CD164: variants seen among roughly 807,000 people sequenced by gnomAD.
The protein encoded by CD164 is sialomucin core protein 24.
A neutral mutation model predicts 24.6 loss-of-function variants in CD164; 11 were observed. The ratio of observed to expected loss-of-function variants is 0.45; its 90% CI spans 0.28 to 0.74. CD164 has a LOEUF of 0.74. CD164 is among the 30% of genes least tolerant of loss of function. The pLI, the probability that CD164 is intolerant of heterozygous loss-of-function variation, is 0.13. For missense variants in CD164, 295 were observed against 243.7 expected (o/e 1.21, Z -1.40); for synonymous variants, 126 against 100.3 (o/e 1.26, Z -1.53).
chr6:109,378,746 A>G (rs1771564398), intron 2 of CD164, among the ~76,000 whole-genome samples: 1 of 152,182 alleles, frequency 6.6e-6, no homozygotes, highest in Non-Finnish European at 1.5e-5. Context: ...CCTAAAAAAA[A>G]GAGACACTTC....
At chr6:109,378,224 A>G (rs1269169618) in intron 2 of CD164, among the ~76,000 whole-genome samples, 2 of 152,188 alleles carry the variant, frequency 1.3e-5, no homozygotes, top group African/African-American at 2.4e-5. Context: ...TATACTGAAA[A>G]AATAAATCTG....
chr6:109,369,952 A>G (rs1003245297), intron 5 of CD164, among the ~76,000 whole-genome samples: 2 of 152,230 alleles, frequency 1.3e-5, no homozygotes, highest in Non-Finnish European at 2.9e-5. Context: ...TAATTTTCAC[A>G]TTACTGAGCA....
At chr6:109,378,195 C>A (rs1244322945) in intron 2 of CD164, among the ~76,000 whole-genome samples, 2 of 152,156 alleles carry the variant, frequency 1.3e-5, no homozygotes, top group Non-Finnish European at 2.9e-5. Context: ...AACTTTTATC[C>A]ATTAAAAATC....
At chr6:109,375,929 G>A (rs996903276) in intron 4 of CD164, 145 bp downstream of exon 4, 26 of 625,354 alleles carry the variant, frequency 4.2e-5, no homozygotes, top group Admixed American at 3.6e-4. Context: ...AGAGATTAAC[G>A]TTAATTGCTG....
In CD164 at chr6:109,382,413, A is replaced by C. The variant is rs897182237; in HGVS notation, c.-35T>G. ...AGCGCTGGCGTTCGGGAGAAAGCTA[A>C]GGCTCGCAACGCTCAGTCAACCCCT... On this transcript the variant is annotated 5_prime_UTR_variant, in exon 1 of 6. Coordinates refer to ENST00000310786, the MANE Select transcript of CD164 (RefSeq NM_006016.6). 2 of 1,478,508 alleles carry C rather than the reference A, an allele frequency of 1.4e-6. No individual in the cohort carries two copies. The highest frequency in any genetic ancestry group is 1.3e-5 in the South Asian group (1 of 77,826). The allele number at this position is 1,478,508 out of a possible 1,614,324, so 91.6% of individuals were successfully genotyped here.
intron 4 of CD164, among the ~76,000 whole-genome samples, chr6:109,373,300 C>T (rs1430641345): frequency 6.6e-6 from 1 of 152,102 alleles, no homozygotes; most frequent in Non-Finnish European, 1.5e-5. Context: ...TGAAGGAGGG[C>T]CATTATAATT....
At chr6:109,378,769 G>A (rs1771566560) in intron 2 of CD164, among the ~76,000 whole-genome samples, 2 of 151,756 alleles carry the variant, frequency 1.3e-5, no homozygotes, top group Non-Finnish European at 2.9e-5. Flanking sequence ...TAACAAAAAA[G>A]TTAATTTGGC....
chr6:109,376,961 C>T (rs1415600296), intron 3 of CD164, among the ~76,000 whole-genome samples: 2 of 152,020 alleles, frequency 1.3e-5, no homozygotes, highest in Middle Eastern at 3.2e-3. Context: ...CATAGTGAGA[C>T]ACCATCTCTA....
intron 1 of CD164, chr6:109,380,445 C>G (rs1771673876): frequency 6.6e-6 from 1 of 152,168 alleles, no homozygotes; most frequent in South Asian, 2.1e-4. Context: ...CTAGATGCCT[C>G]CAAACATTCT....
At chr6:109,375,002 C>T (rs1582478658) in intron 4 of CD164, among the ~76,000 whole-genome samples, 1 of 152,262 alleles carries the variant, frequency 6.6e-6, no homozygotes, top group Non-Finnish European at 1.5e-5. Flanking sequence ...GGAATAGACG[C>T]ATTTAATATT....
chr6:109,377,123 A>T (rs1771453163), intron 3 of CD164, among the ~76,000 whole-genome samples: 1 of 152,196 alleles, frequency 6.6e-6, no homozygotes, highest in African/African-American at 2.4e-5. Context: ...GGCAACAAAG[A>T]GACTGTCTCA....
At chr6:109,381,765 C>G (rs1771764472) in intron 1 of CD164, 1 of 570,180 alleles carries the variant, frequency 1.8e-6, no homozygotes, top group Non-Finnish European at 3.1e-6. Flanking sequence ...CGGAGAGAGG[C>G]GCCGGGAGGG....
At chr6:109,381,443 A>T (rs3799840) in intron 1 of CD164, 188,201 of 692,642 alleles carry the variant, frequency 0.27, 26,586 homozygotes, top group Middle Eastern at 0.32. Flanking sequence ...ATAAACATAC[A>T]ATGTCAGGAG....
At position 109,382,363 on chromosome 6, in the gene CD164, G is replaced by T. The variant is rs772783742; in HGVS notation, c.16C>A (p.Arg6Ser). The change falls in exon 1 of 6, where the codon CGC becomes AGC. Residue 6 changes from arginine to serine, a missense_variant. Transcript: ENST00000310786. MSRLS[R>S]SLLWAATCLG... ...CAGGTGGCGGCCCAAAGCAGTGAGC[G>T]GGAGAGCCGCGACATCGTGTCCTCA... 12 of 1,549,332 alleles carry T rather than the reference G, an allele frequency of 7.7e-6. No homozygotes were observed. In the East Asian group the frequency reaches 2.9e-4, roughly 37 times the overall value.
intron 4 of CD164, chr6:109,372,977 C>T (rs1771168568): frequency 6.7e-6 from 1 of 150,150 alleles, no homozygotes; most frequent in South Asian, 2.1e-4. Context: ...AAAAGCACCA[C>T]TTAGGGAATA....
chr6:109,380,291 C>G (rs1771664728), intron 1 of CD164: 1 of 152,140 alleles, frequency 6.6e-6, no homozygotes, highest in Admixed American at 6.5e-5. Context: ...CATCCTAGGC[C>G]AAACAATCCA....
intron 1 of CD164, chr6:109,381,549 A>C (rs1203623566): frequency 2.8e-6 from 2 of 702,602 alleles, no homozygotes; most frequent in East Asian, 5.4e-5. Context: ...CCCGGTACAT[A>C]CATGGGTACT....
At chr6:109,374,835 C>T (rs558363744) in intron 4 of CD164, among the ~76,000 whole-genome samples, 1 of 152,268 alleles carries the variant, frequency 6.6e-6, no homozygotes, top group Non-Finnish European at 1.5e-5. Flanking sequence ...TTTTCCAGTG[C>T]AGTTTCACTA....
rs997681463 is a variant in CD164 at position 109,367,622 on chromosome 6, C to T, written c.*1229G>A. ...GGAAGGGAGAGAAAAAGAAAAAGCACAGTCTATTCATCCAGGACAATCAGT... is the reference window on the plus strand; with the variant it reads ...GGAAGGGAGAGAAAAAGAAAAAGCATAGTCTATTCATCCAGGACAATCAGT... On this transcript the variant is annotated 3_prime_UTR_variant, in exon 6 of 6. Transcript: ENST00000310786. 2 of 152,472 alleles carry T rather than the reference C, an allele frequency of 1.3e-5. No individual in the cohort carries two copies. The highest frequency in any genetic ancestry group is 2.4e-5 in the African/African-American group (1 of 41,422). 9.4% of individuals were successfully genotyped at this position (152,472 alleles called of 1,614,324 possible). A position where few individuals can be genotyped will look rare whatever the true frequency, so the allele number is the denominator to read the frequency against.
Sources: allele counts gnomAD v4.1 joint callset (sites outside exome capture counted in the v4.1 genomes callset), GRCh38; gene constraint gnomAD v4.1.1; transcripts MANE v1.5; gene names NCBI Gene and HGNC (gene_info 2026-07-23, HGNC 2026-07-21).